Variants in SIM2 observed in about 807,000 individuals in gnomAD.
SIM2 encodes the protein single-minded homolog 2.
Under a neutral mutation model 64.8 loss-of-function variants are expected in SIM2, and 28 were observed. The observed-to-expected ratio is 0.43, with a 90% CI of 0.32 to 0.59. SIM2 has a LOEUF of 0.59. Ranked by LOEUF, SIM2 falls within the 20% of genes least tolerant of loss-of-function variation. SIM2 has a pLI of 0.07. For synonymous variants in SIM2, 408 were observed against 391.1 expected (o/e 1.04, Z -0.51); for missense variants, 847 against 871.4 (o/e 0.97, Z 0.35).
At chr21:36,705,489 G>T (rs960565633) in intron 1 of SIM2, among the ~76,000 whole-genome samples, 1 of 152,376 alleles carries the variant, frequency 6.6e-6, no homozygotes, top group South Asian at 2.1e-4. Context: ...GGGAAAGCCA[G>T]AGAGGGAGGC....
intron 7 of SIM2, among the ~76,000 whole-genome samples, chr21:36,731,511 G>C (rs751267841): frequency 6.6e-6 from 1 of 152,188 alleles, no homozygotes; most frequent in Non-Finnish European, 1.5e-5. Flanking sequence ...CGGGCACTAA[G>C]TTTAAGTGAC....
Position 36,731,054 on chromosome 21 carries a change from G to A in SIM2, c.753G>A (p.Glu251=). 6.2e-7 allele frequency: 1 copy of A among 1,613,850 alleles called. No homozygotes were observed. The highest frequency in any genetic ancestry group is 1.1e-5 in the South Asian group (1 of 91,062). ...KLIFLDSRVT[E]VTGYEPQDLI... is the part of the protein sequence containing the mutation. ...TGCCATGCCCCCACAGGGTGACCGAGGTGACGGGGTACGAGCCGCAGGACC... is the reference window on the plus strand; with the variant it reads ...TGCCATGCCCCCACAGGGTGACCGAAGTGACGGGGTACGAGCCGCAGGACC... The change falls in exon 7 of 11, where the codon GAG becomes GAA. Residue 251 remains glutamate (E), a synonymous_variant. Coordinates refer to ENST00000290399, the MANE Select transcript of SIM2 (RefSeq NM_005069.6).
chr21:36,723,410 C>T, intron 5 of SIM2, among the ~76,000 whole-genome samples: 1 of 152,134 alleles, frequency 6.6e-6, no homozygotes, highest in African/African-American at 2.4e-5. Flanking sequence ...TGGACCAGTC[C>T]CAGTGGAGCC....
chr21:36,729,535 C>T (rs754545688), intron 6 of SIM2, among the ~76,000 whole-genome samples: 2 of 152,114 alleles, frequency 1.3e-5, no homozygotes, highest in African/African-American at 4.8e-5. Context: ...GAAAGGGAAG[C>T]GGGTTAAAGA....
chr21:36,739,629 T>A (rs1248533852), intron 7 of SIM2, among the ~76,000 whole-genome samples: 1 of 152,244 alleles, frequency 6.6e-6, no homozygotes, highest in Non-Finnish European at 1.5e-5. Flanking sequence ...GCTCACAATT[T>A]CCATAGGATC....
At chr21:36,731,810 G>A (rs148901311) in intron 7 of SIM2, among the ~76,000 whole-genome samples, 45 of 152,284 alleles carry the variant, frequency 3.0e-4, no homozygotes, top group Non-Finnish European at 4.4e-4. Context: ...GGAACATCAG[G>A]ATATAGAGGC....
Position 36,722,896 on chromosome 21 carries a change from A to C in SIM2, c.458-149A>C, listed in dbSNP as rs1192522397. The C allele has an allele frequency of 2.7e-5, 18 of 670,928 alleles. No individual in the cohort carries two copies. In the Middle Eastern group the frequency reaches 1.5e-3, roughly 57 times the overall value. The allele number at this position is 670,928 out of a possible 1,614,324, so 41.6% of individuals were successfully genotyped here. A position where few individuals can be genotyped will look rare whatever the true frequency, so the allele number is the denominator to read the frequency against. ...CCACTGCCCCACCCAGATCTCAGCC[A>C]AGGCCGAAGATCTCTGAGCAGGGTC... On this transcript the variant is annotated intron_variant, in intron 4 of 10. Transcript: ENST00000290399.
At chr21:36,744,087 A>G (rs2089197313) in intron 9 of SIM2, among the ~76,000 whole-genome samples, 1 of 152,086 alleles carries the variant, frequency 6.6e-6, no homozygotes, top group African/African-American at 2.4e-5. Context: ...CATCTCTATT[A>G]AAAATACAAA....
Position 36,744,733 on chromosome 21 carries a change from C to T in SIM2, c.1173C>T (p.Tyr391=), listed in dbSNP as rs2089206764. 3 of 1,599,024 alleles carry T rather than the reference C, an allele frequency of 1.9e-6. No homozygotes were observed. Among genetic ancestry groups the T allele is most frequent in the Admixed American group, 1.7e-5 (1 of 57,614 alleles). Residue 391 remains tyrosine, a synonymous_variant, in exon 10 of 11, where the codon TAC becomes TAT. Transcript: ENST00000290399. ...CCATCTTCTTTGCCATGCAGCAATA[C>T]AGCTCGTTCCAAATGGACAAACTGG... ...LRTNPYPPQQ[Y]SSFQMDKLEC...
At position 36,747,530 on chromosome 21, in the gene SIM2, C is replaced by A; in HGVS notation, c.1577-135C>A. ...TTGGACAGCACGGCCTAGACTAAGGCGGGGGAGGGCGACAGCGACCCCGCG... is the reference window on the plus strand; with the variant it reads ...TTGGACAGCACGGCCTAGACTAAGGAGGGGGAGGGCGACAGCGACCCCGCG... On this transcript the variant is annotated intron_variant, in intron 10 of 10. Transcript: ENST00000290399. This position sits in a 1 kb window ranked among gnomAD's most constrained non-coding sequence, Gnocchi z 4.5. The A allele has an allele frequency of 2.4e-6, 1 of 422,836 alleles. No homozygotes were observed. The highest frequency in any genetic ancestry group is 3.4e-6 in the Non-Finnish European group (1 of 292,334). The allele number at this position is 422,836 out of a possible 1,614,324, so 26.2% of individuals were successfully genotyped here.
Position 36,720,062 on chromosome 21 carries a change from A to G in SIM2, c.457+133A>G, listed in dbSNP as rs574593532. 56 of 650,586 alleles carry G rather than the reference A, an allele frequency of 8.6e-5. 1 individual carries two copies. The South Asian group carries it at 9.5e-4, about 11-fold the overall frequency. The allele number at this position is 650,586 out of a possible 1,614,324, so 40.3% of individuals were successfully genotyped here. ...AGGACTGCCCAGCCCAGGTCTCTCC[A>G]ATACACACACAGCACCCACCACGTG... is the stretch of plus-strand genomic sequence containing the variant. On this transcript the variant is annotated intron_variant, in intron 4 of 10. Coordinates refer to ENST00000290399, the MANE Select transcript of SIM2 (RefSeq NM_005069.6).
In SIM2 at chr21:36,747,969, C is replaced by T. The variant is rs1198528535; in HGVS notation, c.1881C>T (p.Gly627=). 3 of 1,013,030 alleles carry T rather than the reference C, an allele frequency of 3.0e-6. No homozygotes were observed. Among genetic ancestry groups the T allele is most frequent in the African/African-American group, 1.7e-5 (1 of 57,372 alleles). The allele number at this position is 1,013,030 out of a possible 1,614,324, so 62.8% of individuals were successfully genotyped here. The change falls in exon 11 of 11, where the codon GGC becomes GGT. Residue 627 remains glycine (G), a synonymous_variant. Coordinates refer to ENST00000290399, the MANE Select transcript of SIM2 (RefSeq NM_005069.6). The surrounding 1 kb of genome is among the most constrained non-coding windows in gnomAD (Gnocchi z 4.5). ...PAASGLACAP[G]GPEAATGALR... ...CCTCCGGCCTGGCCTGCGCTCCCGG[C>T]GGCCCCGAGGCGGCGACCGGCGCGC...
chr21:36,712,721 T>C, intron 3 of SIM2, 99 bp downstream of exon 3: 1 of 775,804 alleles, frequency 1.3e-6, no homozygotes, highest in Non-Finnish European at 2.2e-6. Context: ...TGTTTAAGTG[T>C]TTGCTTTTGT....
chr21:36,742,496 G>C (rs2089175511), intron 8 of SIM2, among the ~76,000 whole-genome samples: 1 of 151,198 alleles, frequency 6.6e-6, no homozygotes, highest in South Asian at 2.1e-4. Context: ...GGCTTCAAGT[G>C]ATCCTCCCAC....
At chr21:36,702,710 C>A (rs780813202) in intron 1 of SIM2, among the ~76,000 whole-genome samples, 1 of 151,880 alleles carries the variant, frequency 6.6e-6, no homozygotes, top group Non-Finnish European at 1.5e-5. Context: ...GATATGGCTG[C>A]GGGGTTGGAA....
chr21:36,703,357 A>C (rs1234483797), intron 1 of SIM2, among the ~76,000 whole-genome samples: 1 of 152,182 alleles, frequency 6.6e-6, no homozygotes, highest in Non-Finnish European at 1.5e-5. Context: ...CTTATCTGTA[A>C]AATGGGCCCA....
intron 1 of SIM2, among the ~76,000 whole-genome samples, chr21:36,702,053 C>T (rs987962983): frequency 6.6e-6 from 1 of 152,226 alleles, no homozygotes; most frequent in Non-Finnish European, 1.5e-5. Flanking sequence ...TGAGGGATTT[C>T]CCGGAGAGCC....
chr21:36,709,098 T>A, intron 1 of SIM2, 70 bp from the exon 2 acceptor site: 1 of 1,397,878 alleles, frequency 7.2e-7, no homozygotes. Context: ...GGGTTCCGCG[T>A]GACCTGCCCG....
chr21:36,725,767 T>C lies in SIM2; in HGVS notation c.544-352T>C, dbSNP rs370649439. Among the ~76,000 whole-genome samples the C allele has an allele frequency of 5.3e-5, 8 of 152,244 alleles. No individual in the cohort carries two copies. In the East Asian group the frequency reaches 1.5e-3, roughly 29 times the overall value. On this transcript the variant is annotated intron_variant, in intron 5 of 10. Coordinates refer to ENST00000290399, the MANE Select transcript of SIM2 (RefSeq NM_005069.6). ...CCCAAGTAGCTGGAGACTATAGGCA[T>C]GCACCACCATGCCCGGATAATTTTT... is the stretch of plus-strand genomic sequence containing the variant.
Sources: gnomAD v4.1 joint callset for allele counts (sites outside exome capture counted in the v4.1 genomes callset) on GRCh38, gnomAD v4.1.1 for gene constraint, Gnocchi (gnomAD v3.1) non-coding constraint, MANE v1.5 for transcripts, NCBI Gene and HGNC (gene_info 2026-07-23, HGNC 2026-07-21) for gene names.